IMMP2L: variants seen among roughly 807,000 people sequenced by gnomAD.
IMMP2L encodes the protein mitochondrial inner membrane protease subunit 2.
A neutral mutation model predicts 19.3 loss-of-function variants in IMMP2L; 18 were observed. The ratio of observed to expected loss-of-function variants is 0.93; its 90% CI spans 0.64 to 1.38. The LOEUF (loss-of-function observed/expected upper bound fraction) is 1.38. Among genes scored for constraint, IMMP2L ranks in the 40% most tolerant of loss-of-function variants. The pLI is 0.00. For missense variants in IMMP2L, 233 were observed against 218.2 expected (o/e 1.07, Z -0.43); for synonymous variants, 76 against 73.0 (o/e 1.04, Z -0.21).
intron 3 of IMMP2L, among the ~76,000 whole-genome samples, chr7:111,447,437 A>C (rs1585141656): frequency 6.6e-6 from 1 of 150,750 alleles, no homozygotes; most frequent in East Asian, 1.9e-4. Flanking sequence ...TCAACTCAGA[A>C]TTTCATATCC....
chr7:111,141,103 A>G (rs214848), intron 3 of IMMP2L, among the ~76,000 whole-genome samples: 8,578 of 152,220 alleles, frequency 0.056, 478 homozygotes, highest in African/African-American at 0.14. Context: ...TCTCTACCCT[A>G]TGCATTAGTG....
At position 110,696,425 on chromosome 7, in the gene IMMP2L, CTT is replaced by C. The variant is rs374621101; in HGVS notation, c.409-32706_409-32705del. ...TCTGCACTGAGACATTCCTTTTTCTCTTTTTTTTTTTTTTTTTTTGAGACAGA... is the reference window on the plus strand; with the variant it reads ...TCTGCACTGAGACATTCCTTTTTCTCTTTTTTTTTTTTTTTTTGAGACAGA... On this transcript the variant is annotated intron_variant, in intron 5 of 5. Transcript: ENST00000405709. 6.6e-3 allele frequency among the ~76,000 whole-genome samples: 795 copies of C among 119,830 alleles called. 4 individuals are homozygous for C. Among genetic ancestry groups the C allele is most frequent in the South Asian group, 0.014 (54 of 3,728 alleles). The allele number at this position is 119,830 out of a possible 152,430, so 78.6% of individuals were successfully genotyped here.
intron 4 of IMMP2L, among the ~76,000 whole-genome samples, chr7:110,892,076 C>A (rs957702328): frequency 2.0e-5 from 3 of 152,144 alleles, no homozygotes; most frequent in African/African-American, 7.2e-5. Flanking sequence ...GTCTCTCTGA[C>A]CTCCTTCCAC....
chr7:110,688,869 A>G (rs565755495), intron 5 of IMMP2L, among the ~76,000 whole-genome samples: 1 of 150,938 alleles, frequency 6.6e-6, no homozygotes, highest in South Asian at 2.1e-4. Context: ...ATACACATAC[A>G]TATAACATGT....
intron 4 of IMMP2L, among the ~76,000 whole-genome samples, chr7:110,892,391 C>T (rs1316542625): frequency 6.6e-6 from 1 of 152,132 alleles, no homozygotes; most frequent in African/African-American, 2.4e-5. Context: ...ATTATCCACA[C>T]TTCCCCATCT....
intron 3 of IMMP2L, among the ~76,000 whole-genome samples, chr7:110,986,627 A>G (rs1315447029): frequency 1.3e-5 from 2 of 152,150 alleles, no homozygotes; most frequent in Admixed American, 1.3e-4. Flanking sequence ...AATTTTTAAA[A>G]GATAAATGAG....
chr7:110,881,517 C>A (rs931924651), intron 5 of IMMP2L, among the ~76,000 whole-genome samples: 8 of 152,070 alleles, frequency 5.3e-5, no homozygotes, highest in Admixed American at 2.6e-4. Flanking sequence ...GCATGTACTA[C>A]AAGCAACAAG....
intron 5 of IMMP2L, among the ~76,000 whole-genome samples, chr7:110,702,413 A>G (rs1420449204): frequency 6.6e-6 from 1 of 152,248 alleles, no homozygotes; most frequent in Admixed American, 6.5e-5. Flanking sequence ...AATATAAAAT[A>G]GACAATACTT....
At chr7:111,295,809 A>T (rs1821568179) in intron 3 of IMMP2L, among the ~76,000 whole-genome samples, 1 of 151,796 alleles carries the variant, frequency 6.6e-6, no homozygotes, top group African/African-American at 2.4e-5. Flanking sequence ...TTATGATAGT[A>T]ATCCAAAGTA....
At chr7:110,880,325 A>G (rs1809515410) in intron 5 of IMMP2L, among the ~76,000 whole-genome samples, 1 of 152,136 alleles carries the variant, frequency 6.6e-6, no homozygotes, top group South Asian at 2.1e-4. Context: ...ACTGACACAG[A>G]GCAAAGTCTT....
intron 1 of IMMP2L, among the ~76,000 whole-genome samples, chr7:111,540,132 A>C (rs1848386990): frequency 6.6e-6 from 1 of 152,192 alleles, no homozygotes; most frequent in South Asian, 2.1e-4. Context: ...TCTTAGTAGA[A>C]AGATTACCTT....
chr7:111,078,657 C>T (rs545147178), intron 3 of IMMP2L, among the ~76,000 whole-genome samples: 2 of 152,160 alleles, frequency 1.3e-5, no homozygotes, highest in South Asian at 2.1e-4. Context: ...ATGCTTTCTT[C>T]CCCATTTCTT....
chr7:110,835,512 A>G (rs950910452), intron 5 of IMMP2L, among the ~76,000 whole-genome samples: 3 of 145,926 alleles, frequency 2.1e-5, no homozygotes, highest in African/African-American at 7.8e-5. Context: ...AAGGACAACT[A>G]TAAACCAGAG....
chr7:111,503,500 T>G (rs1173653202), intron 2 of IMMP2L, among the ~76,000 whole-genome samples: 1 of 152,086 alleles, frequency 6.6e-6, no homozygotes, highest in Non-Finnish European at 1.5e-5. Context: ...TACCAAAGCC[T>G]GGCAGAGACA....
rs139032287 is a variant in IMMP2L, at chr7:110,896,763, A to G, written c.306-10068T>C. Among the ~76,000 whole-genome samples the G allele has an allele frequency of 6.0e-3, 917 of 152,036 alleles. 11 individuals are homozygous for G. Among genetic ancestry groups the G allele is most frequent in the African/African-American group, 0.019 (789 of 41,492 alleles). The stretch of plus-strand genomic sequence containing the variant: ...CATTTAGTTTGTAGGTCTTTTGCAT[A>G]TGCTAGTATGATAGTTATATAGGGA... On this transcript the variant is annotated intron_variant, in intron 4 of 5. Coordinates refer to ENST00000405709, the MANE Select transcript of IMMP2L (RefSeq NM_032549.4).
intron 3 of IMMP2L, among the ~76,000 whole-genome samples, chr7:111,208,432 G>A (rs949023269): frequency 6.6e-6 from 1 of 152,058 alleles, no homozygotes; most frequent in Non-Finnish European, 1.5e-5. Context: ...ATTTTATTTT[G>A]TGGCTGAATT....
chr7:111,262,148 A>C (rs545063022), intron 3 of IMMP2L, among the ~76,000 whole-genome samples: 20 of 152,290 alleles, frequency 1.3e-4, no homozygotes, highest in African/African-American at 4.6e-4. Context: ...TAAAACAGTA[A>C]ACAAAAATCT....
At chr7:110,872,194 T>C (rs933652840) in intron 5 of IMMP2L, among the ~76,000 whole-genome samples, 1 of 152,164 alleles carries the variant, frequency 6.6e-6, no homozygotes, top group Non-Finnish European at 1.5e-5. Flanking sequence ...ATATATCGGA[T>C]ATCTAGCCAA....
chr7:111,087,319 C>T (rs776319560), intron 3 of IMMP2L, among the ~76,000 whole-genome samples: 3 of 151,816 alleles, frequency 2.0e-5, no homozygotes, highest in Non-Finnish European at 2.9e-5. Context: ...CATGGTGGCA[C>T]GCGCCTATAG....
Sources: gnomAD v4.1 joint callset for allele counts (sites outside exome capture counted in the v4.1 genomes callset) on GRCh38, gnomAD v4.1.1 for gene constraint, MANE v1.5 for transcripts, NCBI Gene and HGNC (gene_info 2026-07-23, HGNC 2026-07-21) for gene names.